RRP12: variants seen among roughly 807,000 people sequenced by gnomAD.
RRP12 encodes the protein RRP12-like protein.
In RRP12, 78 loss-of-function variants were observed where a neutral mutation model predicts 157.3. The observed-to-expected ratio is 0.50, with a 90% CI of 0.41 to 0.60. RRP12 has a LOEUF of 0.60. Ranked by LOEUF, RRP12 falls within the 20% of genes least tolerant of loss-of-function variation. The pLI is 0.00. For synonymous variants in RRP12, 726 were observed against 670.9 expected (o/e 1.08, Z -1.27); for missense variants, 1,521 against 1,679.9 (o/e 0.91, Z 1.65).
chr10:97,388,092 G>T, intron 8 of RRP12, 160 bp downstream of exon 8: 1 of 858,416 alleles, frequency 1.2e-6, no homozygotes, highest in Non-Finnish European at 1.8e-6. Context: ...ATATGGCCTG[G>T]CCTAGCCAAA....
intron 3 of RRP12, 110 bp downstream of exon 3, chr10:97,396,108 T>C (rs1844954987): frequency 2.6e-6 from 2 of 766,726 alleles, no homozygotes; most frequent in African/African-American, 3.4e-5. Flanking sequence ...CACTTTCACC[T>C]GGTCAAGGTT....
At chr10:97,358,408 T>TAA in intron 33 of RRP12, 129 bp downstream of exon 33, 7 of 579,728 alleles carry the variant, frequency 1.2e-5, no homozygotes, top group Non-Finnish European at 2.2e-5. Flanking sequence ...AGGTGCATGT[T>TAA]AAAAAAAAAA....
In RRP12 at chr10:97,379,706, T is replaced by A; in HGVS notation, c.1598A>T (p.Gln533Leu). 1 of 1,613,976 alleles carries A rather than the reference T, an allele frequency of 6.2e-7. No homozygotes were observed. The highest frequency in any genetic ancestry group is 8.5e-7 in the Non-Finnish European group (1 of 1,179,972). Residue 533 changes from glutamine (Q) to leucine (L), a missense_variant, in exon 14 of 34, where the codon CAG becomes CTG. Coordinates refer to ENST00000370992, the MANE Select transcript of RRP12 (RefSeq NM_015179.4). The stretch of plus-strand genomic sequence containing the variant: ...ACTGGTCACCGCAGCCCCCACTGCC[T>A]GGTCAAGAGCCGCCGTGTGGGGGAA... ...PHFPHTAALD[Q>L]AVGAAVTSMG... is the part of the protein sequence containing the mutation.
chr10:97,380,050 C>G lies in RRP12; in HGVS notation c.1534-280G>C, dbSNP rs568893753. ...CGAAAATGGGACAAATGTATCTTGT[C>G]TGCATGCAACAATTAGCAAATCAGC... On this transcript the variant is annotated intron_variant, in intron 13 of 33. Coordinates refer to ENST00000370992, the MANE Select transcript of RRP12 (RefSeq NM_015179.4). 2.8e-4 allele frequency among the ~76,000 whole-genome samples: 42 copies of G among 152,332 alleles called. No homozygotes were observed. In the South Asian group the frequency reaches 5.0e-3, roughly 18 times the overall value.
intron 20 of RRP12, 101 bp from the exon 21 acceptor site, chr10:97,371,182 C>T (rs893668654): frequency 1.9e-5 from 24 of 1,261,410 alleles, no homozygotes; most frequent in Admixed American, 9.4e-5. Context: ...AGCAGGGGTC[C>T]GTGGGGGCTC....
At chr10:97,369,651 G>A in intron 24 of RRP12, 69 bp from the exon 25 acceptor site, 1 of 1,464,722 alleles carries the variant, frequency 6.8e-7, no homozygotes. Flanking sequence ...TTCCCCACTG[G>A]AAAACAGCCA....
At chr10:97,393,576 G>A (rs1185579051) in intron 4 of RRP12, 108 bp downstream of exon 4, 3 of 896,846 alleles carry the variant, frequency 3.3e-6, no homozygotes, top group African/African-American at 1.6e-5. Context: ...TGTTCATGAA[G>A]AGCAAGTATC....
At position 97,357,104 on chromosome 10, in the gene RRP12, C is replaced by CG; in HGVS notation, c.3883dup (p.Arg1295ProfsTer17). 6.2e-7 allele frequency: 1 copy of CG among 1,610,834 alleles called. No individual in the cohort carries two copies. Among genetic ancestry groups the CG allele is most frequent in the South Asian group, 1.1e-5 (1 of 90,948 alleles). On this transcript the variant is annotated frameshift_variant, in exon 34 of 34. Transcript: ENST00000370992. LOFTEE classifies it high-confidence loss of function. ...CAGGGGCCCTGGGCCTCAGGGTCGA[C>CG]GATCCTTTCTGCGGTTTTTGTGTCC...
intron 3 of RRP12, among the ~76,000 whole-genome samples, chr10:97,394,147 C>G (rs1236394974): frequency 6.6e-6 from 1 of 152,092 alleles, no homozygotes; most frequent in African/African-American, 2.4e-5. Context: ...CCGAGACCAT[C>G]CTGGCTAACA....
rs767020591 is a variant in RRP12 at position 97,357,907 on chromosome 10, C to T, written c.3791+630G>A. Reference sequence around the variant, plus strand: ...CCGGGAGGCAGAGCTTGCAGTAAGCCGAGATCGTGCCACTGCACTCACTCC... The same window carrying T: ...CCGGGAGGCAGAGCTTGCAGTAAGCTGAGATCGTGCCACTGCACTCACTCC... On this transcript the variant is annotated intron_variant, in intron 33 of 33. Transcript: ENST00000370992. Among the ~76,000 whole-genome samples the T allele has an allele frequency of 4.7e-5, 7 of 149,286 alleles. No individual in the cohort carries two copies. The South Asian group carries it at 8.4e-4, about 18-fold the overall frequency.
Position 97,388,629 on chromosome 10 carries a change from G to A in RRP12, c.754-5C>T, listed in dbSNP as rs2133084545. 2 of 1,613,538 alleles carry A rather than the reference G, an allele frequency of 1.2e-6. No homozygotes were observed. The highest frequency in any genetic ancestry group is 2.2e-5 in the South Asian group (2 of 91,032). ...ATGCTGGGCAGCCTTCCGGATCTGA[G>A]GGGCAAGGAGAGCAGGAGACAAGGC... is the stretch of plus-strand genomic sequence containing the variant. On this transcript the variant is annotated splice_region_variant and splice_polypyrimidine_tract_variant and intron_variant, in intron 6 of 33. Coordinates refer to ENST00000370992, the MANE Select transcript of RRP12 (RefSeq NM_015179.4).
chr10:97,372,251 G>A lies in RRP12; in HGVS notation c.2250-85C>T, dbSNP rs546795407. 39 of 999,260 alleles carry A rather than the reference G, an allele frequency of 3.9e-5. 1 individual carries two copies. The South Asian group carries it at 4.7e-4, about 12-fold the overall frequency. 61.9% of individuals were successfully genotyped at this position (999,260 alleles called of 1,614,324 possible). A position where few individuals can be genotyped will look rare whatever the true frequency, so the allele number is the denominator to read the frequency against. Reference sequence around the variant, plus strand: ...AGTGTTCTTACGTCTACTGGGTATGGGGAGGTGGGAGAAGTCAGGGTGAGG... The same window carrying A: ...AGTGTTCTTACGTCTACTGGGTATGAGGAGGTGGGAGAAGTCAGGGTGAGG... On this transcript the variant is annotated intron_variant, in intron 19 of 33. Coordinates refer to ENST00000370992, the MANE Select transcript of RRP12 (RefSeq NM_015179.4).
chr10:97,387,941 CAAAAAAAAAAAAA>C (rs56225985), intron 8 of RRP12: 5 of 95,734 alleles, frequency 5.2e-5, no homozygotes, highest in South Asian at 4.9e-4. Flanking sequence ...AACTCGGTCT[CAAAAAAAAAAAAA>C]AAAAAAAAAA....
chr10:97,373,571 G>T lies in RRP12; in HGVS notation c.2026+4C>A. ...CAGCCCCCACTCCCACAGCCCACAC[G>T]TACCTGCCTGGCAGCCCTTGGTGAT... On this transcript the variant is annotated splice_donor_region_variant and intron_variant, in intron 17 of 33. Transcript: ENST00000370992. 1 of 1,593,222 alleles carries T rather than the reference G, an allele frequency of 6.3e-7. No homozygotes were observed. The highest frequency in any genetic ancestry group is 8.6e-7 in the Non-Finnish European group (1 of 1,167,180).
intron 20 of RRP12, 22 bp downstream of exon 20, chr10:97,372,051 G>A (rs370179150): frequency 5.1e-5 from 81 of 1,576,800 alleles, no homozygotes; most frequent in Non-Finnish European, 6.2e-5. Flanking sequence ...GCTGTGTGGC[G>A]CTCCTGGCCC....
chr10:97,370,122 C>T lies in RRP12; in HGVS notation c.2797+45G>A, dbSNP rs1219207148. On this transcript the variant is annotated intron_variant, in intron 24 of 33. Coordinates refer to ENST00000370992, the MANE Select transcript of RRP12 (RefSeq NM_015179.4). ...TTTATCCTGACCTTTTGGGCATCTT[C>T]CTAATCTGAGGGCTTCTCAGGCCTT... The T allele has an allele frequency of 3.0e-6, 4 of 1,351,278 alleles. No individual in the cohort carries two copies. In the South Asian group the frequency reaches 5.1e-5, roughly 17 times the overall value. 83.7% of individuals were successfully genotyped at this position (1,351,278 alleles called of 1,614,324 possible). A position where few individuals can be genotyped will look rare whatever the true frequency, so the allele number is the denominator to read the frequency against.
intron 19 of RRP12, among the ~76,000 whole-genome samples, chr10:97,372,427 A>G (rs2062791263): frequency 6.6e-6 from 1 of 152,196 alleles, no homozygotes; most frequent in South Asian, 2.1e-4. Flanking sequence ...TATCGTGCCC[A>G]TTTTACAGAT....
chr10:97,373,798 T>G, intron 16 of RRP12, 32 bp downstream of exon 16: 1 of 1,613,500 alleles, frequency 6.2e-7, no homozygotes, highest in Admixed American at 1.7e-5. Context: ...CCTGTGTGCT[T>G]CTCCCCACGC....
intron 3 of RRP12, among the ~76,000 whole-genome samples, chr10:97,394,400 G>T (rs947447789): frequency 6.6e-6 from 1 of 152,116 alleles, no homozygotes; most frequent in Non-Finnish European, 1.5e-5. Context: ...TACAGAGATA[G>T]ATAGATAGTT....
Sources: allele counts gnomAD v4.1 joint callset (sites outside exome capture counted in the v4.1 genomes callset), GRCh38; gene constraint gnomAD v4.1.1; transcripts MANE v1.5; gene names NCBI Gene and HGNC (gene_info 2026-07-23, HGNC 2026-07-21).